The following ARHGAP19 variants were observed in gnomAD, a reference collection of about 807,000 sequenced individuals.
ARHGAP19 encodes rho GTPase-activating protein 19.
A neutral mutation model predicts 60.9 loss-of-function variants in ARHGAP19; 48 were observed. That is an observed-to-expected ratio of 0.79 (90% CI 0.62 to 1.00). The LOEUF (loss-of-function observed/expected upper bound fraction) is 1.00, where lower values mean the gene tolerates loss of function less well. Ranked by LOEUF, ARHGAP19 falls within the 50% of genes least tolerant of loss-of-function variation. The pLI, the probability that ARHGAP19 is intolerant of heterozygous loss-of-function variation, is 0.00. For synonymous variants in ARHGAP19, 209 were observed against 215.5 expected (o/e 0.97, Z 0.27); for missense variants, 562 against 597.2 (o/e 0.94, Z 0.61).
At chr10:97,285,107 C>T (rs574076436) in intron 1 of ARHGAP19, among the ~76,000 whole-genome samples, 137 of 151,590 alleles carry the variant, frequency 9.0e-4, no homozygotes, top group South Asian at 2.1e-3. Context: ...TCAGGTGATC[C>T]GCCCGCCTCC....
chr10:97,253,740 T>C (rs1219077925), intron 6 of ARHGAP19, among the ~76,000 whole-genome samples: 2 of 152,146 alleles, frequency 1.3e-5, no homozygotes, highest in Admixed American at 1.3e-4. Flanking sequence ...AGTAACAAAA[T>C]ATCATATGTA....
chr10:97,271,038 A>G (rs149738052), intron 1 of ARHGAP19, among the ~76,000 whole-genome samples: 19 of 152,378 alleles, frequency 1.2e-4, no homozygotes, highest in Middle Eastern at 3.4e-3. Flanking sequence ...ATGAAAAGCC[A>G]AATTTAAAAA....
rs1418008003 is a variant in ARHGAP19, at chr10:97,224,691, G to A, written c.*1431C>T. On this transcript the variant is annotated 3_prime_UTR_variant, in exon 12 of 12. Coordinates refer to ENST00000358531, the MANE Select transcript of ARHGAP19 (RefSeq NM_032900.6). ...TGTGGGGCAACTGCTTCCCCATAGT[G>A]GCCTGACTCGGCTCCAACCCACAGG... 1 of 152,236 alleles carries A rather than the reference G, an allele frequency of 6.6e-6. No individual in the cohort carries two copies. Among genetic ancestry groups the A allele is most frequent in the Admixed American group, 6.5e-5 (1 of 15,278 alleles). The allele number at this position is 152,236 out of a possible 1,614,324, so 9.4% of individuals were successfully genotyped here.
At chr10:97,283,134 G>A (rs1030319413) in intron 1 of ARHGAP19, among the ~76,000 whole-genome samples, 2 of 151,766 alleles carry the variant, frequency 1.3e-5, no homozygotes, top group African/African-American at 4.8e-5. Context: ...TGAGCCACCC[G>A]CCCGGCTGTT....
intron 1 of ARHGAP19, among the ~76,000 whole-genome samples, chr10:97,278,900 G>A (rs1332484834): frequency 6.6e-6 from 1 of 151,866 alleles, no homozygotes; most frequent in Admixed American, 6.6e-5. Context: ...TTTCCTCCCT[G>A]GTGAATTGCC....
chr10:97,243,938 C>T (rs1348001610), intron 8 of ARHGAP19, 30 bp downstream of exon 8: 2 of 1,552,286 alleles, frequency 1.3e-6, no homozygotes, highest in Non-Finnish European at 8.8e-7. Flanking sequence ...ACTCCTAAAG[C>T]CCCATCACAA....
Position 97,270,407 on chromosome 10 carries a change from A to C in ARHGAP19, c.57-4282T>G, listed in dbSNP as rs1392787305. Among the ~76,000 whole-genome samples, 7 of 152,312 alleles carry C rather than the reference A, an allele frequency of 4.6e-5. No individual in the cohort carries two copies. In the East Asian group the frequency reaches 1.2e-3, roughly 25 times the overall value. ...TCTTAAAGTTATTCCCATATCACAA[A>C]GCCCACTAATCCCTTTCCAAAGAAT... On this transcript the variant is annotated intron_variant, in intron 1 of 11. Coordinates refer to ENST00000358531, the MANE Select transcript of ARHGAP19 (RefSeq NM_032900.6).
chr10:97,266,172 T>G, intron 1 of ARHGAP19, 47 bp from the exon 2 acceptor site: 1 of 1,602,896 alleles, frequency 6.2e-7, no homozygotes, highest in Non-Finnish European at 8.5e-7. Context: ...TTTTGTATGT[T>G]TCTTATGCAC....
chr10:97,226,411 T>A (rs1160979261), intron 11 of ARHGAP19, among the ~76,000 whole-genome samples: 2 of 152,212 alleles, frequency 1.3e-5, no homozygotes, highest in East Asian at 3.8e-4. Context: ...AACCAGTATA[T>A]GAGGTACTAC....
chr10:97,246,659 C>CTAT (rs1842567929), intron 6 of ARHGAP19, among the ~76,000 whole-genome samples: 1 of 152,130 alleles, frequency 6.6e-6, no homozygotes, highest in African/African-American at 2.4e-5. Flanking sequence ...CTAACAAAAA[C>CTAT]CACCCCCTCA....
At chr10:97,285,345 A>T (rs1273855878) in intron 1 of ARHGAP19, among the ~76,000 whole-genome samples, 5 of 151,476 alleles carry the variant, frequency 3.3e-5, no homozygotes, top group East Asian at 3.9e-4. Context: ...ATTTTTATTT[A>T]TTTTTTTTAA....
At chr10:97,259,373 C>G (rs1199156555) in intron 5 of ARHGAP19, 29 bp downstream of exon 5, 2 of 1,569,348 alleles carry the variant, frequency 1.3e-6, no homozygotes, top group Admixed American at 3.3e-5. Context: ...GAAAACCAAG[C>G]AATCTTTACT....
intron 8 of ARHGAP19, among the ~76,000 whole-genome samples, chr10:97,239,813 T>C (rs182625624): frequency 1.3e-5 from 2 of 152,040 alleles, no homozygotes; most frequent in African/African-American, 4.8e-5. Flanking sequence ...GTTCAAGTGA[T>C]TCTCCTGCCT....
intron 1 of ARHGAP19, among the ~76,000 whole-genome samples, chr10:97,290,414 G>A (rs1245973380): frequency 1.3e-5 from 2 of 152,156 alleles, no homozygotes; most frequent in African/African-American, 4.8e-5. Flanking sequence ...TCCTAATCAA[G>A]TTGAACACCA....
At chr10:97,235,604 G>C (rs77686077) in intron 8 of ARHGAP19, among the ~76,000 whole-genome samples, 1 of 152,082 alleles carries the variant, frequency 6.6e-6, no homozygotes, top group African/African-American at 2.4e-5. Flanking sequence ...ATTTATCCAC[G>C]ATCCCCAGCT....
intron 6 of ARHGAP19, among the ~76,000 whole-genome samples, chr10:97,251,402 AG>A (rs1191171143): frequency 6.0e-5 from 1 of 16,676 alleles, no homozygotes; most frequent in Non-Finnish European, 1.1e-4. Flanking sequence ...GGGAAGGGGA[AG>A]GGAAGGGAAA....
chr10:97,227,039 G>A (rs1468131202), intron 11 of ARHGAP19, among the ~76,000 whole-genome samples: 1 of 152,206 alleles, frequency 6.6e-6, no homozygotes, highest in Non-Finnish European at 1.5e-5. Flanking sequence ...GTAAAGGCCA[G>A]GAAGGCTGCT....
chr10:97,287,000 T>A (rs1024738096), intron 1 of ARHGAP19, among the ~76,000 whole-genome samples: 2 of 152,162 alleles, frequency 1.3e-5, no homozygotes, highest in Non-Finnish European at 2.9e-5. Flanking sequence ...CAGGCTAGAG[T>A]GCAATGGCAG....
At chr10:97,273,523 C>T (rs1377922844) in intron 1 of ARHGAP19, among the ~76,000 whole-genome samples, 2 of 120,900 alleles carry the variant, frequency 1.7e-5, no homozygotes, top group Admixed American at 1.1e-4. Context: ...GAGACTCTCT[C>T]TGTCGCCCAG....
Sources: allele counts gnomAD v4.1 joint callset (sites outside exome capture counted in the v4.1 genomes callset), GRCh38; gene constraint gnomAD v4.1.1; transcripts MANE v1.5; gene names NCBI Gene and HGNC (gene_info 2026-07-23, HGNC 2026-07-21).